LRTM3: variants seen among roughly 807,000 people sequenced by gnomAD.
The protein encoded by LRTM3 is leucine rich repeat transmembrane protein 3, also known as leucine-rich repeat transmembrane protein 3.
At chr13:102,753,332 G>A in the LRTM3 span, among the ~76,000 whole-genome samples, 2 of 152,168 alleles carry the variant, frequency 1.3e-5, no homozygotes, top group African/African-American at 4.8e-5. Flanking sequence ...GGAGGTGAGG[G>A]GCACAGGGAC....
At chr13:102,731,566 G>T in the LRTM3 span, 3 of 1,551,228 alleles carry the variant, frequency 1.9e-6, no homozygotes, top group African/African-American at 2.7e-5. Context: ...ACTTCAAGTC[G>T]TCAGGCTTAT....
At chr13:102,745,323 C>T in the LRTM3 span, 1 of 1,550,490 alleles carries the variant, frequency 6.4e-7, no homozygotes, top group African/African-American at 1.4e-5. Flanking sequence ...GGAGATGTAT[C>T]TTGCTTTACT....
the LRTM3 span, chr13:102,739,809 T>C: frequency 5.2e-6 from 8 of 1,549,524 alleles, 1 homozygote; most frequent in South Asian, 9.5e-5. Context: ...AAAGAAAGAA[T>C]AGACTCACAT....
At chr13:102,743,323 A>T in the LRTM3 span, 3 of 1,550,438 alleles carry the variant, frequency 1.9e-6, no homozygotes, top group African/African-American at 4.1e-5. Context: ...TTTGGAATCC[A>T]CTTTGCCTTT....
the LRTM3 span, chr13:102,734,377 T>C: frequency 6.4e-7 from 1 of 1,551,278 alleles, no homozygotes; most frequent in African/African-American, 1.4e-5. Context: ...CTCTCTCCAG[T>C]TTAAGGTTAG....
At chr13:102,757,677 C>G in the LRTM3 span, among the ~76,000 whole-genome samples, 2 of 152,186 alleles carry the variant, frequency 1.3e-5, no homozygotes, top group Non-Finnish European at 2.9e-5. Context: ...TAAAATTCAG[C>G]TCCAGGATAA....
chr13:102,730,154 C>G, the LRTM3 span: 1 of 1,550,072 alleles, frequency 6.5e-7, no homozygotes, highest in Non-Finnish European at 8.7e-7. Flanking sequence ...GGTTTCCTTT[C>G]TGCACTCTCT....
At chr13:102,732,429 C>A in the LRTM3 span, 1 of 1,551,202 alleles carries the variant, frequency 6.4e-7, no homozygotes, top group South Asian at 1.2e-5. Flanking sequence ...GTGCTCAATT[C>A]TCTTTTCAGA....
the LRTM3 span, chr13:102,736,329 T>A: frequency 6.4e-7 from 1 of 1,551,134 alleles, no homozygotes; most frequent in Non-Finnish European, 8.7e-7. Context: ...TGCTCAGTGA[T>A]GCTGAACACT....
chr13:102,730,938 T>G, the LRTM3 span: 1 of 1,551,384 alleles, frequency 6.4e-7, no homozygotes, highest in Admixed American at 2.0e-5. Context: ...TGAATACAGT[T>G]AGATAAGGGT....
the LRTM3 span, chr13:102,744,074 G>A: frequency 6.5e-7 from 1 of 1,549,610 alleles, no homozygotes; most frequent in Non-Finnish European, 8.7e-7. Context: ...ATATTCAGTG[G>A]CACTGAGTAA....
At chr13:102,741,666 A>G in the LRTM3 span, 1 of 1,550,424 alleles carries the variant, frequency 6.4e-7, no homozygotes, top group South Asian at 1.2e-5. Flanking sequence ...TTCTGTTGAG[A>G]AGTATCCAAC....
the LRTM3 span, chr13:102,736,658 G>A: frequency 6.4e-7 from 1 of 1,550,712 alleles, no homozygotes; most frequent in South Asian, 1.2e-5. Context: ...ACCTTCTTGT[G>A]CCTTTTCCCC....
At chr13:102,738,240 G>T in the LRTM3 span, 1 of 1,550,770 alleles carries the variant, frequency 6.4e-7, no homozygotes, top group Non-Finnish European at 8.7e-7. Flanking sequence ...TCTTTCTGTT[G>T]CATGTAATCT....
the LRTM3 span, chr13:102,742,174 A>T: frequency 6.5e-7 from 1 of 1,550,344 alleles, no homozygotes; most frequent in Non-Finnish European, 8.7e-7. Flanking sequence ...CTGCATTTTT[A>T]CTCAGCTGGA....
the LRTM3 span, chr13:102,739,152 C>T: frequency 6.5e-7 from 1 of 1,549,898 alleles, no homozygotes; most frequent in South Asian, 1.2e-5. Context: ...TTCTGAACTA[C>T]ATTTAGATTA....
chr13:102,744,681 G>T, the LRTM3 span: 2,255 of 1,550,742 alleles, frequency 1.5e-3, 49 homozygotes, highest in African/African-American at 0.028. Context: ...GTACTGAAAC[G>T]GAGGTGTTGA....
At chr13:102,749,096 T>C in the LRTM3 span, 1 of 1,549,854 alleles carries the variant, frequency 6.5e-7, no homozygotes, top group South Asian at 1.2e-5. Flanking sequence ...TGATATATCT[T>C]TCCTTTCATG....
chr13:102,758,440 C>G, the LRTM3 span: 1 of 1,536,506 alleles, frequency 6.5e-7, no homozygotes, highest in Non-Finnish European at 8.8e-7. Flanking sequence ...AATAACTGAC[C>G]AATTCTCTGG....
Sources: allele counts gnomAD v4.1 joint callset (sites outside exome capture counted in the v4.1 genomes callset), GRCh38; gene constraint gnomAD v4.1.1; transcripts MANE v1.5; gene names NCBI Gene and HGNC (gene_info 2026-07-23, HGNC 2026-07-21).